The following COL5A2 variants were observed in gnomAD, a reference collection of about 807,000 sequenced individuals.
The protein encoded by COL5A2 is collagen alpha-2(V) chain.
In COL5A2, 23 loss-of-function variants were observed where a neutral mutation model predicts 208.2. That is an observed-to-expected ratio of 0.11 (90% CI 0.08 to 0.16). The LOEUF (loss-of-function observed/expected upper bound fraction) is 0.16. Among genes scored for constraint, COL5A2 ranks in the 10% least tolerant of loss-of-function variants. The probability of loss-of-function intolerance (pLI) is 1.00; values close to 1 mark genes in which losing one functional copy is unlikely to be tolerated. For synonymous variants in COL5A2, 625 were observed against 628.5 expected, an observed-to-expected ratio of 0.99 and a Z score of 0.08; for missense variants, 1,590 against 1,956.4, an observed-to-expected ratio of 0.81 and a Z score of 3.53.
chr2:189,075,182 A>C (rs367864514), intron 17 of COL5A2, among the ~76,000 whole-genome samples: 1 of 152,136 alleles, frequency 6.6e-6, no homozygotes, highest in East Asian at 1.9e-4. Context: ...GAAGTTGTAT[A>C]CTGTATTATG....
At chr2:189,429,323 G>A in the COL5A2 span, among the ~76,000 whole-genome samples, 4 of 152,134 alleles carry the variant, frequency 2.6e-5, no homozygotes, top group African/African-American at 9.7e-5. Context: ...GTGGTCCTCA[G>A]CTTCATCTTC....
At chr2:189,419,652 C>T in the COL5A2 span, among the ~76,000 whole-genome samples, 1 of 150,900 alleles carries the variant, frequency 6.6e-6, no homozygotes, top group Non-Finnish European at 1.5e-5. Flanking sequence ...TTTAATTAAC[C>T]AAGAGTGGTG....
chr2:189,111,777 T>A lies in COL5A2; in HGVS notation c.98-1328A>T, dbSNP rs186769679. Among the ~76,000 whole-genome samples the A allele has an allele frequency of 2.0e-3, 310 of 152,344 alleles. No homozygotes were observed. In the East Asian group the frequency reaches 0.022, roughly 11 times the overall value. On this transcript the variant is annotated intron_variant, in intron 1 of 53. Coordinates refer to ENST00000374866, the MANE Select transcript of COL5A2 (RefSeq NM_000393.5). ...TTTATTAGAATGAGTATTAATTTTTTATTTTTGTTTAGTTTATCTCCCTCA... is the reference window on the plus strand; with the variant it reads ...TTTATTAGAATGAGTATTAATTTTTAATTTTTGTTTAGTTTATCTCCCTCA...
chr2:189,249,029 G>A, the COL5A2 span, among the ~76,000 whole-genome samples: 1 of 152,038 alleles, frequency 6.6e-6, no homozygotes, highest in Non-Finnish European at 1.5e-5. Context: ...AAAATTATTT[G>A]TAACAAGATT....
chr2:189,387,277 A>T, the COL5A2 span, among the ~76,000 whole-genome samples: 1 of 152,166 alleles, frequency 6.6e-6, no homozygotes, highest in South Asian at 2.1e-4. Flanking sequence ...ATACACATGG[A>T]CAAAAAGATG....
At chr2:189,067,081 C>G (rs1686172057) in intron 21 of COL5A2, among the ~76,000 whole-genome samples, 1 of 151,928 alleles carries the variant, frequency 6.6e-6, no homozygotes, top group Non-Finnish European at 1.5e-5. Context: ...AGTTATTATT[C>G]AAATTTGAAA....
intron 17 of COL5A2, among the ~76,000 whole-genome samples, chr2:189,072,569 C>T (rs554075734): frequency 3.2e-4 from 48 of 152,052 alleles, no homozygotes; most frequent in African/African-American, 1.1e-3. Context: ...GTCAGGAGTT[C>T]GAGACCAGCC....
intron 25 of COL5A2, 41 bp from the exon 26 acceptor site, chr2:189,064,074 C>A: frequency 6.6e-7 from 1 of 1,518,682 alleles, no homozygotes; most frequent in Non-Finnish European, 9.1e-7. Flanking sequence ...TGCTGATATG[C>A]AGTTGAAGTA....
the COL5A2 span, among the ~76,000 whole-genome samples, chr2:189,428,533 G>C: frequency 6.8e-4 from 104 of 152,232 alleles, no homozygotes; most frequent in Middle Eastern, 3.4e-3. Context: ...CAGGAGAATT[G>C]CTTGAACCCA....
At chr2:189,361,281 G>T in the COL5A2 span, among the ~76,000 whole-genome samples, 2 of 152,000 alleles carry the variant, frequency 1.3e-5, no homozygotes, top group Non-Finnish European at 2.9e-5. Context: ...TTATATATTT[G>T]TGTGCTCCAG....
At chr2:189,258,719 T>G in the COL5A2 span, among the ~76,000 whole-genome samples, 1 of 152,144 alleles carries the variant, frequency 6.6e-6, no homozygotes, top group African/African-American at 2.4e-5. Flanking sequence ...ATTTAATTCC[T>G]CTTTCACCTA....
chr2:189,182,929 C>T (rs906564761), upstream of COL5A2, among the ~76,000 whole-genome samples: 1 of 152,180 alleles, frequency 6.6e-6, no homozygotes, highest in Non-Finnish European at 1.5e-5. Context: ...GTCTCCTTCT[C>T]TCTTCTCTAC....
the COL5A2 span, among the ~76,000 whole-genome samples, chr2:189,324,928 C>A: frequency 1.3e-5 from 2 of 152,106 alleles, no homozygotes; most frequent in Non-Finnish European, 2.9e-5. Context: ...AAATGTCCAA[C>A]AATGATAGAC....
chr2:189,167,431 A>G (rs1559133919), intron 1 of COL5A2, among the ~76,000 whole-genome samples: 1 of 152,086 alleles, frequency 6.6e-6, no homozygotes, highest in African/African-American at 2.4e-5. Context: ...CCCCCACTCC[A>G]TTTTTTAAAA....
At chr2:189,177,104 GA>G (rs1424409449) in intron 1 of COL5A2, among the ~76,000 whole-genome samples, 2 of 151,830 alleles carry the variant, frequency 1.3e-5, no homozygotes, top group Admixed American at 6.6e-5. Flanking sequence ...TAAAAAGAAA[GA>G]AAAAAATAAA....
chr2:189,055,316 A>G (rs1685880361), intron 35 of COL5A2, among the ~76,000 whole-genome samples: 1 of 152,236 alleles, frequency 6.6e-6, no homozygotes, highest in Non-Finnish European at 1.5e-5. Context: ...ATGGGGACAC[A>G]ACCTGAGTCT....
rs1160479150 is a variant in COL5A2 at position 189,154,176 on chromosome 2, TA to T, written c.97+25331del. ...ACAACTCACAGCTCTTTGGATACCTTAAAGGAGATTACTATATCAGAAACTC... is the reference window on the plus strand; with the variant it reads ...ACAACTCACAGCTCTTTGGATACCTTAAGGAGATTACTATATCAGAAACTC... On this transcript the variant is annotated intron_variant, in intron 1 of 53. Coordinates refer to ENST00000374866, the MANE Select transcript of COL5A2 (RefSeq NM_000393.5). Among the ~76,000 whole-genome samples, 8 of 152,290 alleles carry T rather than the reference TA, an allele frequency of 5.3e-5. No individual in the cohort carries two copies. In the South Asian group the frequency reaches 1.7e-3, roughly 32 times the overall value.
At chr2:189,183,345 T>C (rs897095170), upstream of COL5A2, among the ~76,000 whole-genome samples, 1 of 152,198 alleles carries the variant, frequency 6.6e-6, no homozygotes, top group African/African-American at 2.4e-5. Context: ...CAGAAAGTCA[T>C]CTATGCTCTC....
the COL5A2 span, among the ~76,000 whole-genome samples, chr2:189,245,956 C>T: frequency 6.6e-5 from 10 of 152,130 alleles, no homozygotes; most frequent in East Asian, 1.7e-3. Context: ...GTGGAAGCCA[C>T]GAAAGCACTC....
Sources: gnomAD v4.1 joint callset for allele counts (sites outside exome capture counted in the v4.1 genomes callset) on GRCh38, gnomAD v4.1.1 for gene constraint, MANE v1.5 for transcripts, NCBI Gene and HGNC (gene_info 2026-07-23, HGNC 2026-07-21) for gene names.